The following EIF1 variants were observed in gnomAD, a reference collection of about 807,000 sequenced individuals.
EIF1 encodes the protein protein translation factor SUI1 homolog.
Under a neutral mutation model 13.7 loss-of-function variants are expected in EIF1, and 4 were observed. The observed-to-expected ratio is 0.29, with a 90% CI of 0.14 to 0.67. The LOEUF is 0.67. Among genes scored for constraint, EIF1 ranks in the 30% least tolerant of loss-of-function variants. The pLI is 0.77. For missense variants in EIF1, 64 were observed against 138.0 expected, an observed-to-expected ratio of 0.46 and a Z score of 2.69; for synonymous variants, 67 against 50.7, an observed-to-expected ratio of 1.32 and a Z score of -1.37.
intron 3 of EIF1, 149 bp from the exon 4 acceptor site, chr17:41,690,633 T>C (rs1910347047): frequency 2.7e-6 from 2 of 741,734 alleles, no homozygotes. Flanking sequence ...AAAAGGTAGC[T>C]CTTAACTGAG....
rs932267079 is a variant in EIF1, at chr17:41,692,061, G to A, written c.*1235G>A. The A allele has an allele frequency of 6.6e-6, 1 of 152,396 alleles. No individual in the cohort carries two copies. Among genetic ancestry groups the A allele is most frequent in the Admixed American group, 6.5e-5 (1 of 15,282 alleles). The allele number at this position is 152,396 out of a possible 1,614,324, so 9.4% of individuals were successfully genotyped here. ...TCTGCCTGTCTTGGCCTCCCAAAGT[G>A]CTGGGATTACAGGCATGAGCCACCA... On this transcript the variant is annotated 3_prime_UTR_variant, in exon 4 of 4. Coordinates refer to ENST00000469257, the MANE Select transcript of EIF1 (RefSeq NM_005801.4).
intron 3 of EIF1, chr17:41,690,537 T>C (rs764402285): frequency 1.7e-6 from 1 of 573,626 alleles, no homozygotes; most frequent in Non-Finnish European, 3.1e-6. Flanking sequence ...CATGATCAGC[T>C]CTTGATATAA....
chr17:41,689,158 G>A lies in EIF1; in HGVS notation c.31+89G>A, dbSNP rs955824713. On this transcript the variant is annotated intron_variant, in intron 1 of 3. Transcript: ENST00000469257. The stretch of plus-strand genomic sequence containing the variant: ...GTTCCGGGAAGTTGCCAAGCGCTCC[G>A]GGCCTTCGTAAGCTCGGGCAGGGGA... The A allele has an allele frequency of 5.5e-6, 8 of 1,459,420 alleles. No individual in the cohort carries two copies. The African/African-American group carries it at 5.6e-5, about 10-fold the overall frequency. 90.4% of individuals were successfully genotyped at this position (1,459,420 alleles called of 1,614,324 possible).
rs1910364165 is a variant in EIF1 at position 41,691,108 on chromosome 17, G to C, written c.*282G>C. The C allele has an allele frequency of 1.5e-5, 8 of 543,826 alleles. No individual in the cohort carries two copies. Among genetic ancestry groups the C allele is most frequent in the Non-Finnish European group, 2.3e-5 (7 of 304,668 alleles). The allele number at this position is 543,826 out of a possible 1,614,324, so 33.7% of individuals were successfully genotyped here. On this transcript the variant is annotated 3_prime_UTR_variant, in exon 4 of 4. Transcript: ENST00000469257. ...CCGTCATGTTTCAGCCAAGCCCAGA[G>C]CCCTAAGATTACAAACAACTATGGC...
In EIF1 at chr17:41,692,641, C is replaced by T. The variant is rs1395696995; in HGVS notation, c.*1815C>T. 6.6e-6 allele frequency: 1 copy of T among 151,676 alleles called. No individual in the cohort carries two copies. The highest frequency in any genetic ancestry group is 2.1e-4 in the South Asian group (1 of 4,810). The allele number at this position is 151,676 out of a possible 1,614,324, so 9.4% of individuals were successfully genotyped here. A position where few individuals can be genotyped will look rare whatever the true frequency, so the allele number is the denominator to read the frequency against. ...GGATGGCTTTGAATGTGGCCCAACA[C>T]GAACTAATAAATTTTGCTAAAACAT... is the stretch of plus-strand genomic sequence containing the variant. On this transcript the variant is annotated 3_prime_UTR_variant, in exon 4 of 4. Coordinates refer to ENST00000469257, the MANE Select transcript of EIF1 (RefSeq NM_005801.4).
intron 3 of EIF1, chr17:41,690,493 G>GA: frequency 1.8e-6 from 1 of 547,646 alleles, no homozygotes; most frequent in South Asian, 2.7e-5. Context: ...TTTTAAAAAT[G>GA]AATTTCCTGA....
rs1014469171 is a variant in EIF1 at position 41,690,206 on chromosome 17, C to G, written c.297+17C>G. The G allele has an allele frequency of 1.3e-6, 2 of 1,592,988 alleles. No homozygotes were observed. Among genetic ancestry groups the G allele is most frequent in the Non-Finnish European group, 1.7e-6 (2 of 1,161,080 alleles). Reference sequence around the variant, plus strand: ...CTCGTAGAGGTGAGTTCAGTCACTACTTGATTTGTGCCTCTCTGCTGGCAA... The same window carrying G: ...CTCGTAGAGGTGAGTTCAGTCACTAGTTGATTTGTGCCTCTCTGCTGGCAA... On this transcript the variant is annotated intron_variant, in intron 3 of 3. Transcript: ENST00000469257.
rs762727751 is a variant in EIF1, at chr17:41,690,841, C to T, written c.*15C>T. 6.2e-7 allele frequency: 1 copy of T among 1,613,108 alleles called. No individual in the cohort carries two copies. Among genetic ancestry groups the T allele is most frequent in the African/African-American group, 1.3e-5 (1 of 74,884 alleles). Reference sequence around the variant, plus strand: ...ATGGGTTTTAAGTGCTTGTGGCTCACTGAAGCTTAAGTGAGGATTTCCTTG... The same window carrying T: ...ATGGGTTTTAAGTGCTTGTGGCTCATTGAAGCTTAAGTGAGGATTTCCTTG... On this transcript the variant is annotated 3_prime_UTR_variant, in exon 4 of 4. Transcript: ENST00000469257.
intron 2 of EIF1, 34 bp downstream of exon 2, chr17:41,689,975 A>C (rs749068246): frequency 4.3e-6 from 7 of 1,611,348 alleles, no homozygotes; most frequent in African/African-American, 1.3e-5. Flanking sequence ...GAAAGTCATA[A>C]TGGATTTGTC....
chr17:41,689,189 G>A, intron 1 of EIF1, 120 bp downstream of exon 1: 1 of 1,206,764 alleles, frequency 8.3e-7, no homozygotes, highest in South Asian at 1.3e-5. Context: ...GGGGAAACTT[G>A]ACCAGGGTCG....
intron 1 of EIF1, 137 bp from the exon 2 acceptor site, chr17:41,689,641 A>G: frequency 3.5e-6 from 3 of 851,314 alleles, no homozygotes; most frequent in Admixed American, 3.2e-5. Flanking sequence ...AGAGCCAGCA[A>G]AGGACACATT....
At position 41,692,351 on chromosome 17, in the gene EIF1, AGAGCT is replaced by A. The variant is rs1156582845; in HGVS notation, c.*1528_*1532del. On this transcript the variant is annotated 3_prime_UTR_variant, in exon 4 of 4. Transcript: ENST00000469257. ...AGAAGGTTTAATGACAAGTATTTGAAGAGCTGAAGTTAAGTGTTGGGAGGCCATCC... is the reference window on the plus strand; with the variant it reads ...AGAAGGTTTAATGACAAGTATTTGAAGAAGTTAAGTGTTGGGAGGCCATCC... The A allele has an allele frequency of 6.6e-6, 1 of 152,216 alleles. No individual in the cohort carries two copies. The highest frequency in any genetic ancestry group is 1.5e-5 in the Non-Finnish European group (1 of 68,042). The allele number at this position is 152,216 out of a possible 1,614,324, so 9.4% of individuals were successfully genotyped here. A position where few individuals can be genotyped will look rare whatever the true frequency, so the allele number is the denominator to read the frequency against.
chr17:41,689,611 C>T (rs1910310871), intron 1 of EIF1, 167 bp from the exon 2 acceptor site: 2 of 632,930 alleles, frequency 3.2e-6, no homozygotes, highest in Admixed American at 3.6e-5. Flanking sequence ...GCTGGCCGTC[C>T]CGGACTGACC....
intron 1 of EIF1, 80 bp from the exon 2 acceptor site, chr17:41,689,698 G>A: frequency 3.5e-6 from 5 of 1,425,202 alleles, no homozygotes; most frequent in Non-Finnish European, 4.7e-6. Flanking sequence ...TTCTGCACGC[G>A]CAAAACACCT....
rs2143082027 is a variant in EIF1, at chr17:41,688,938, CT to C, written c.-100del. 1 of 1,285,640 alleles carries C rather than the reference CT, an allele frequency of 7.8e-7. No individual in the cohort carries two copies. The highest frequency in any genetic ancestry group is 1.5e-5 in the African/African-American group (1 of 68,940). The allele number at this position is 1,285,640 out of a possible 1,614,324, so 79.6% of individuals were successfully genotyped here. ...TTCAGCAGCCTCCCCCTTGAGCCCC[CT>C]CGCTTCCCGACGTTCCGTTCCCCCC... On this transcript the variant is annotated 5_prime_UTR_variant, in exon 1 of 4. Coordinates refer to ENST00000469257, the MANE Select transcript of EIF1 (RefSeq NM_005801.4).
intron 1 of EIF1, chr17:41,689,322 T>C: frequency 1.7e-6 from 1 of 588,864 alleles, no homozygotes; most frequent in South Asian, 2.0e-5. Flanking sequence ...TAATGGCTCC[T>C]GGGCCTCCTC....
At chr17:41,689,656 C>T (rs748858210) in intron 1 of EIF1, 122 bp from the exon 2 acceptor site, 3 of 1,027,194 alleles carry the variant, frequency 2.9e-6, no homozygotes, top group East Asian at 2.6e-5. Flanking sequence ...CACATTCGGC[C>T]TGGCCCAAGC....
At position 41,691,126 on chromosome 17, in the gene EIF1, A is replaced by G. The variant is rs1322430226; in HGVS notation, c.*300A>G. ...GCCCAGAGCCCTAAGATTACAAACAACTATGGCCGGAACCTCCTCAGCTCT... is the reference window on the plus strand; with the variant it reads ...GCCCAGAGCCCTAAGATTACAAACAGCTATGGCCGGAACCTCCTCAGCTCT... On this transcript the variant is annotated 3_prime_UTR_variant, in exon 4 of 4. Coordinates refer to ENST00000469257, the MANE Select transcript of EIF1 (RefSeq NM_005801.4). The G allele has an allele frequency of 1.1e-5, 6 of 530,806 alleles. No homozygotes were observed. The highest frequency in any genetic ancestry group is 2.0e-5 in the Non-Finnish European group (6 of 297,420). The allele number at this position is 530,806 out of a possible 1,614,324, so 32.9% of individuals were successfully genotyped here. A position where few individuals can be genotyped will look rare whatever the true frequency, so the allele number is the denominator to read the frequency against.
rs1367821706 is a variant in EIF1 at position 41,689,235 on chromosome 17, G to A, written c.31+166G>A. 3.9e-5 allele frequency: 31 copies of A among 790,702 alleles called. No homozygotes were observed. In the East Asian group the frequency reaches 8.2e-4, roughly 21 times the overall value. 49.0% of individuals were successfully genotyped at this position (790,702 alleles called of 1,614,324 possible). ...GGATCAAGGCCTGGGCCCCGGGGTC[G>A]GACCCTGAGCGCGACCGGAAGGAGC... On this transcript the variant is annotated intron_variant, in intron 1 of 3. Transcript: ENST00000469257.
Sources: gnomAD v4.1 joint callset for allele counts on GRCh38, gnomAD v4.1.1 for gene constraint, MANE v1.5 for transcripts, NCBI Gene and HGNC (gene_info 2026-07-23, HGNC 2026-07-21) for gene names.